The following ZNF611 variants were observed in gnomAD, a reference collection of about 807,000 sequenced individuals.
The protein encoded by ZNF611 is zinc finger protein 611.
A neutral mutation model predicts 8.9 loss-of-function variants in ZNF611; 6 were observed. The observed-to-expected ratio is 0.68, with a 90% CI of 0.37 to 1.34. ZNF611 has a LOEUF of 1.34. ZNF611 is among the 40% of genes most tolerant of loss of function. The pLI is 0.02. For synonymous variants in ZNF611, 262 were observed against 279.7 expected (o/e 0.94, Z 0.63); for missense variants, 874 against 841.3 (o/e 1.04, Z -0.48).
In ZNF611 at chr19:52,705,731, C is replaced by A. The variant is rs763053338; in HGVS notation, c.1324G>T (p.Val442Leu). Residue 442 changes from valine (V) to leucine (L), a missense_variant, in exon 6 of 6, where the codon GTA becomes TTA. Coordinates refer to ENST00000652185, the MANE Select transcript of ZNF611 (RefSeq NM_001161499.2). Reference sequence around the variant, plus strand: ...CCACCATGAAGTCTATGATGGCATACAAGGGATGACTTGTGACTGAAGGTC... The same window carrying A: ...CCACCATGAAGTCTATGATGGCATAAAAGGGATGACTTGTGACTGAAGGTC... ...GKTFSHKSSL[V>L]CHHRLHGGEK... The A allele has an allele frequency of 6.2e-7, 1 of 1,614,002 alleles. No homozygotes were observed. Among genetic ancestry groups the A allele is most frequent in the South Asian group, 1.1e-5 (1 of 91,060 alleles).
At chr19:52,733,436 G>A (rs1794999529) in intron 1 of ZNF611, among the ~76,000 whole-genome samples, 1 of 152,096 alleles carries the variant, frequency 6.6e-6, no homozygotes, top group African/African-American at 2.4e-5. Context: ...GAGCAGCTGG[G>A]AGTACAGGTG....
At chr19:52,730,200 T>C (rs1244487076) in intron 1 of ZNF611, among the ~76,000 whole-genome samples, 195 bp from the exon 2 acceptor site, 1 of 151,966 alleles carries the variant, frequency 6.6e-6, no homozygotes, top group Non-Finnish European at 1.5e-5. Context: ...GAGACCATCC[T>C]GGCTAACATG....
chr19:52,714,812 A>G, intron 4 of ZNF611, among the ~76,000 whole-genome samples: 1 of 151,022 alleles, frequency 6.6e-6, no homozygotes, highest in Admixed American at 6.6e-5. Flanking sequence ...ATCCTGGTCA[A>G]CATGGCAAAA....
chr19:52,708,778 A>G (rs2062261041), intron 5 of ZNF611: 1 of 152,140 alleles, frequency 6.6e-6, no homozygotes, highest in Admixed American at 6.6e-5. Flanking sequence ...TGGAGGGTGC[A>G]GTGAGCTGAG....
Position 52,704,597 on chromosome 19 carries a change from T to A in ZNF611, c.*340A>T, listed in dbSNP as rs565360558. 124 of 1,572,810 alleles carry A rather than the reference T, an allele frequency of 7.9e-5. No individual in the cohort carries two copies. In the African/African-American group the frequency reaches 1.4e-3, roughly 18 times the overall value. ...TCTCTGAAAAATTTGCCACATTTAT[T>A]ACACTTGTAAGATCTCTCTTCATTA... On this transcript the variant is annotated 3_prime_UTR_variant, in exon 6 of 6. Transcript: ENST00000652185.
Position 52,718,212 on chromosome 19 carries a change from C to T in ZNF611, c.-19-2299G>A, listed in dbSNP as rs2062330665. On this transcript the variant is annotated intron_variant, in intron 3 of 5. Transcript: ENST00000652185. The stretch of plus-strand genomic sequence containing the variant: ...AAAATTAGCAGGAAATGGTTGTGCA[C>T]ACCTGTCGCCCCAGCTACTCTGGAG... Among the ~76,000 whole-genome samples the T allele has an allele frequency of 2.0e-5, 3 of 152,080 alleles. No individual in the cohort carries two copies. The South Asian group carries it at 6.2e-4, about 32-fold the overall frequency.
At chr19:52,718,839 A>C (rs75177341) in intron 3 of ZNF611, among the ~76,000 whole-genome samples, 3,171 of 152,150 alleles carry the variant, frequency 0.021, 100 homozygotes, top group African/African-American at 0.071. Flanking sequence ...CCCGACAACA[A>C]CAAAAATAAG....
chr19:52,711,363 A>G (rs933285713), intron 5 of ZNF611: 1 of 152,078 alleles, frequency 6.6e-6, no homozygotes, highest in African/African-American at 2.4e-5. Context: ...AAAAACAAAA[A>G]AAAAAACCAA....
intron 1 of ZNF611, among the ~76,000 whole-genome samples, chr19:52,731,071 G>T (rs4801930): frequency 0.27 from 41,418 of 150,858 alleles, 5,680 homozygotes; most frequent in Middle Eastern, 0.34. Flanking sequence ...ATTTTTTTTT[G>T]GGGGTGGGGG....
intron 3 of ZNF611, among the ~76,000 whole-genome samples, chr19:52,721,437 G>A (rs1600325178): frequency 6.6e-6 from 1 of 152,322 alleles, no homozygotes; most frequent in African/African-American, 2.4e-5. Context: ...CCGGCACCTC[G>A]GGAGGCCAAG....
chr19:52,715,917 T>A lies in ZNF611; in HGVS notation c.-19-4A>T, dbSNP rs369432136. The A allele has an allele frequency of 6.2e-7, 1 of 1,610,600 alleles. No homozygotes were observed. The highest frequency in any genetic ancestry group is 1.1e-5 in the South Asian group (1 of 90,766). Reference sequence around the variant, plus strand: ...CATGAGTCTTTAGGAATCAATCCTGTATGTGAAAAAAAATGAGACTTCATG... The same window carrying A: ...CATGAGTCTTTAGGAATCAATCCTGAATGTGAAAAAAAATGAGACTTCATG... On this transcript the variant is annotated splice_region_variant and splice_polypyrimidine_tract_variant and intron_variant, in intron 3 of 5. Coordinates refer to ENST00000652185, the MANE Select transcript of ZNF611 (RefSeq NM_001161499.2).
intron 5 of ZNF611, 66 bp downstream of exon 5, chr19:52,713,949 C>A (rs1270448930): frequency 6.3e-7 from 1 of 1,593,536 alleles, no homozygotes; most frequent in Non-Finnish European, 8.5e-7. Context: ...AAAGAGGATA[C>A]AAAGCCAGGA....
intron 5 of ZNF611, among the ~76,000 whole-genome samples, chr19:52,711,816 A>G (rs950960572): frequency 3.9e-5 from 6 of 152,120 alleles, no homozygotes; most frequent in Admixed American, 1.3e-4. Flanking sequence ...GTTCACTTTT[A>G]CAAAGTCAAT....
chr19:52,717,172 T>C (rs1432417945), intron 3 of ZNF611, among the ~76,000 whole-genome samples: 1 of 152,218 alleles, frequency 6.6e-6, no homozygotes, highest in Non-Finnish European at 1.5e-5. Flanking sequence ...AACGTACTTC[T>C]TACATATGTT....
intron 5 of ZNF611, among the ~76,000 whole-genome samples, chr19:52,710,910 C>T (rs888904621): frequency 4.9e-4 from 35 of 71,106 alleles, no homozygotes; most frequent in African/African-American, 4.4e-3. Flanking sequence ...GGCATAATCC[C>T]AGCTACTTGG....
At chr19:52,732,107 A>G (rs1368121277) in intron 1 of ZNF611, among the ~76,000 whole-genome samples, 1 of 151,804 alleles carries the variant, frequency 6.6e-6, no homozygotes, top group Non-Finnish European at 1.5e-5. Flanking sequence ...TGTCTCTACT[A>G]ATAATACAAA....
chr19:52,722,597 T>A (rs1391952307), intron 3 of ZNF611, among the ~76,000 whole-genome samples: 1 of 152,166 alleles, frequency 6.6e-6, no homozygotes, highest in Non-Finnish European at 1.5e-5. Flanking sequence ...TGTACATGAC[T>A]CACATAGGAA....
rs767413493 is a variant in ZNF611, at chr19:52,705,753, G to C, written c.1302C>G (p.Thr434=). 6 of 1,613,996 alleles carry C rather than the reference G, an allele frequency of 3.7e-6. No individual in the cohort carries two copies. Among genetic ancestry groups the C allele is most frequent in the Admixed American group, 3.3e-5 (2 of 60,010 alleles). ...ATACAAGGGATGACTTGTGACTGAA[G>C]GTCTTGCCACACTCATTACATTTAT... ...KTYKCNECGK[T]FSHKSSLVCH... is the part of the protein sequence containing the mutation. The change falls in exon 6 of 6, where the codon ACC becomes ACG. Residue 434 remains threonine (T), a synonymous_variant. Coordinates refer to ENST00000652185, the MANE Select transcript of ZNF611 (RefSeq NM_001161499.2).
intron 3 of ZNF611, among the ~76,000 whole-genome samples, chr19:52,726,194 AC>A (rs1375853453): frequency 3.9e-4 from 59 of 152,058 alleles, no homozygotes; most frequent in African/African-American, 1.4e-3. Context: ...GGGATGCGGG[AC>A]TGGGTGCTCA....
Sources: gnomAD v4.1 joint callset for allele counts (sites outside exome capture counted in the v4.1 genomes callset) on GRCh38, gnomAD v4.1.1 for gene constraint, MANE v1.5 for transcripts, NCBI Gene and HGNC (gene_info 2026-07-23, HGNC 2026-07-21) for gene names.